The following SLC4A4 variants were observed in gnomAD, a reference collection of about 807,000 sequenced individuals.
SLC4A4 encodes solute carrier family 4 member 4.
Under a neutral mutation model 111.5 loss-of-function variants are expected in SLC4A4, and 27 were observed. That is an observed-to-expected ratio of 0.24 (90% CI 0.18 to 0.33). SLC4A4 has a LOEUF of 0.33. Ranked by LOEUF, SLC4A4 falls within the 10% of genes least tolerant of loss-of-function variation. SLC4A4 has a pLI of 1.00. For synonymous variants in SLC4A4, 443 were observed against 463.4 expected (o/e 0.96, Z 0.57); for missense variants, 909 against 1,315.5 (o/e 0.69, Z 4.78).
chr4:71,290,412 C>T (rs748621895), intron 3 of SLC4A4, among the ~76,000 whole-genome samples: 3 of 152,022 alleles, frequency 2.0e-5, no homozygotes, highest in Admixed American at 6.6e-5. Context: ...GGAAACCATG[C>T]GAGGAGAGAA....
intron 2 of SLC4A4, among the ~76,000 whole-genome samples, chr4:71,142,598 CATAGCCG>C (rs1260047849): frequency 2.0e-5 from 3 of 152,114 alleles, no homozygotes; most frequent in African/African-American, 7.2e-5. Context: ...CCAGTAATGA[CATAGCCG>C]AGGCTACCTC....
At chr4:71,503,801 A>G (rs1000220817) in intron 16 of SLC4A4, among the ~76,000 whole-genome samples, 7 of 152,166 alleles carry the variant, frequency 4.6e-5, no homozygotes, top group Non-Finnish European at 1.0e-4. Flanking sequence ...TATTTTCATG[A>G]TAATAAATAT....
chr4:71,331,120 T>G (rs1053443275), intron 3 of SLC4A4, among the ~76,000 whole-genome samples: 3 of 152,178 alleles, frequency 2.0e-5, no homozygotes, highest in African/African-American at 7.2e-5. Context: ...GGAACACTTT[T>G]ACACTGTTGG....
At chr4:71,178,468 TAAAG>T (rs1449278645) in intron 2 of SLC4A4, among the ~76,000 whole-genome samples, 16 of 151,254 alleles carry the variant, frequency 1.1e-4, no homozygotes, top group Non-Finnish European at 2.2e-4. Flanking sequence ...GCAAGACTAA[TAAAG>T]AAGAAAAGAG....
chr4:71,273,570 G>A (rs1425116227), intron 3 of SLC4A4, among the ~76,000 whole-genome samples: 3 of 152,042 alleles, frequency 2.0e-5, no homozygotes, highest in African/African-American at 4.8e-5. Flanking sequence ...TTCTTGATAC[G>A]TTTCCTCACA....
At chr4:71,072,695 CT>C (rs57815735) in intron 1 of SLC4A4, among the ~76,000 whole-genome samples, 17 of 152,054 alleles carry the variant, frequency 1.1e-4, no homozygotes, top group African/African-American at 4.1e-4. Flanking sequence ...GATGTTGAAT[CT>C]TTCTAATCAT....
At chr4:71,096,089 G>A (rs1006137477) in intron 2 of SLC4A4, among the ~76,000 whole-genome samples, 1 of 152,168 alleles carries the variant, frequency 6.6e-6, no homozygotes, top group Non-Finnish European at 1.5e-5. Flanking sequence ...AAGGCCGGGA[G>A]AGGGTTTTGG....
At chr4:71,282,766 A>T (rs1462527341) in intron 3 of SLC4A4, among the ~76,000 whole-genome samples, 1 of 149,612 alleles carries the variant, frequency 6.7e-6, no homozygotes, top group Non-Finnish European at 1.5e-5. Context: ...TTTTTGAGAC[A>T]GTGTCTCACT....
intron 1 of SLC4A4, among the ~76,000 whole-genome samples, chr4:71,222,912 A>G (rs1426317530): frequency 1.3e-5 from 2 of 152,152 alleles, no homozygotes; most frequent in Non-Finnish European, 2.9e-5. Context: ...GGGTCATACC[A>G]TGTAGTGGGT....
intron 6 of SLC4A4, among the ~76,000 whole-genome samples, chr4:71,360,829 T>C (rs985335567): frequency 6.6e-6 from 1 of 152,234 alleles, no homozygotes; most frequent in East Asian, 1.9e-4. Context: ...GTAGGACTTC[T>C]CCTTAGTTCA....
chr4:71,089,324 T>C (rs1200946118), intron 1 of SLC4A4, among the ~76,000 whole-genome samples: 1 of 152,058 alleles, frequency 6.6e-6, no homozygotes, highest in South Asian at 2.1e-4. Flanking sequence ...GTTTTTAACT[T>C]CTTTGCCATG....
chr4:71,490,814 C>T (rs550010666), intron 15 of SLC4A4, among the ~76,000 whole-genome samples: 267 of 151,838 alleles, frequency 1.8e-3, no homozygotes, highest in Non-Finnish European at 2.8e-3. Context: ...TCTGTCACCC[C>T]AGTCTGCATG....
At chr4:71,436,824 C>CT (rs998788821) in intron 7 of SLC4A4, among the ~76,000 whole-genome samples, 66 of 148,926 alleles carry the variant, frequency 4.4e-4, no homozygotes, top group South Asian at 1.5e-3. Context: ...TCAAATGCAC[C>CT]TTTTTTTTTT....
intron 16 of SLC4A4, among the ~76,000 whole-genome samples, chr4:71,511,526 C>A (rs543688103): frequency 9.9e-5 from 15 of 152,022 alleles, no homozygotes; most frequent in African/African-American, 3.4e-4. Flanking sequence ...AAAAATACAA[C>A]TTTGATCTGG....
chr4:71,152,317 T>C (rs2148972605), intron 2 of SLC4A4, among the ~76,000 whole-genome samples: 1 of 152,290 alleles, frequency 6.6e-6, no homozygotes, highest in East Asian at 1.9e-4. Context: ...ACATATATTT[T>C]TGCCCATTTT....
At chr4:71,240,489 A>T (rs995223475) in intron 2 of SLC4A4, among the ~76,000 whole-genome samples, 2 of 152,178 alleles carry the variant, frequency 1.3e-5, no homozygotes. Context: ...TAGAGCTATT[A>T]TGCTATATTG....
intron 3 of SLC4A4, among the ~76,000 whole-genome samples, chr4:71,294,956 A>T (rs1237989082): frequency 6.6e-6 from 1 of 152,228 alleles, no homozygotes; most frequent in Non-Finnish European, 1.5e-5. Context: ...CAAATGATTT[A>T]CAACTCATTG....
At chr4:71,476,140 C>G (rs565679945) in intron 14 of SLC4A4, among the ~76,000 whole-genome samples, 23 of 151,862 alleles carry the variant, frequency 1.5e-4, no homozygotes, top group African/African-American at 4.8e-4. Context: ...TCATATTTAA[C>G]AAAACCCCAT....
At chr4:71,364,486 A>G (rs1731066996) in intron 6 of SLC4A4, among the ~76,000 whole-genome samples, 1 of 152,180 alleles carries the variant, frequency 6.6e-6, no homozygotes, top group South Asian at 2.1e-4. Context: ...ACAATTCTGG[A>G]GGCTGGCAAG....
Sources: allele counts gnomAD v4.1 joint callset (sites outside exome capture counted in the v4.1 genomes callset), GRCh38; gene constraint gnomAD v4.1.1; transcripts MANE v1.5; gene names NCBI Gene and HGNC (gene_info 2026-07-23, HGNC 2026-07-21).